Variants in BLM observed in about 807,000 individuals in gnomAD.
The protein encoded by BLM is recQ-like DNA helicase BLM.
BLM carries 95 observed loss-of-function variants against 135.3 expected under a neutral mutation model. The observed-to-expected ratio is 0.70, with a 90% CI of 0.59 to 0.83. The LOEUF (loss-of-function observed/expected upper bound fraction) is 0.83, where lower values mean the gene tolerates loss of function less well. BLM is among the 40% of genes least tolerant of loss of function. The pLI is 0.00. For missense variants in BLM, 1,518 were observed against 1,663.9 expected (o/e 0.91, Z 1.53); for synonymous variants, 520 against 589.2 (o/e 0.88, Z 1.70).
Position 90,749,812 on chromosome 15 carries a change from A to G in BLM, c.544A>G (p.Thr182Ala), listed in dbSNP as rs1060500643. The G allele has an allele frequency of 6.2e-7, 1 of 1,601,838 alleles. No individual in the cohort carries two copies. Among genetic ancestry groups the G allele is most frequent in the Admixed American group, 1.7e-5 (1 of 57,784 alleles). ...PPQSHFVRVSTAQKSKKGKRN... is the reference protein window; with the variant it reads ...PPQSHFVRVSAAQKSKKGKRN... ...CCAAAGTCACTTTGTAAGAGTAAGC[A>G]CTGCTCAGAAATCAAAAAAGGGTAA... Residue 182 changes from threonine to alanine, a missense_variant, in exon 3 of 22, where the codon ACT (threonine) becomes GCT (alanine). By Grantham distance (58) the Thr-to-Ala change is moderately conservative (BLOSUM62 0). Around this residue, in one of 5 missense-constraint regions of BLM, gnomAD observed 724 missense variants for 756.9 expected, o/e 0.96. Coordinates refer to ENST00000355112, the MANE Select transcript of BLM (RefSeq NM_000057.4).
At position 90,754,813 on chromosome 15, in the gene BLM, C is replaced by T. The variant is rs755724766; in HGVS notation, c.962C>T (p.Thr321Met). ...ASSSSSKCLSTLKDLDTSDRK... is the reference protein window; with the variant it reads ...ASSSSSKCLSMLKDLDTSDRK... ...CTTAACATTTTTTTTATTTGCAGTA[C>T]GTTAAAGGACCTTGACACCTCTGAC... The change falls in exon 5 of 22, where the codon ACG becomes ATG. Residue 321 changes from threonine (T) to methionine (M), a missense_variant and splice_region_variant. Transcript: ENST00000355112. 9 of 1,613,210 alleles carry T rather than the reference C, an allele frequency of 5.6e-6. No individual in the cohort carries two copies. In the South Asian group the frequency reaches 7.7e-5, roughly 14 times the overall value.
Position 90,717,383 on chromosome 15 carries a change from T to C in BLM, c.-62T>C, listed in dbSNP as rs1182626004. 2.6e-5 allele frequency: 4 copies of C among 152,378 alleles called. No individual in the cohort carries two copies. The highest frequency in any genetic ancestry group is 4.8e-5 in the African/African-American group (2 of 41,442). 9.4% of individuals were successfully genotyped at this position (152,378 alleles called of 1,614,324 possible). On this transcript the variant is annotated 5_prime_UTR_variant, in exon 1 of 22. Coordinates refer to ENST00000355112, the MANE Select transcript of BLM (RefSeq NM_000057.4). Reference sequence around the variant, plus strand: ...GAGCCAGGGCTTGGCGCGGCGGCCGTGGTTGCGGCGCGGGAAGTTTGGATC... The same window carrying C: ...GAGCCAGGGCTTGGCGCGGCGGCCGCGGTTGCGGCGCGGGAAGTTTGGATC...
intron 20 of BLM, among the ~76,000 whole-genome samples, chr15:90,810,706 G>T (rs1897393754): frequency 6.6e-6 from 1 of 152,188 alleles, no homozygotes; most frequent in Non-Finnish European, 1.5e-5. Flanking sequence ...TCTGTAAAGA[G>T]TAAAATAGGA....
At chr15:90,719,120 T>C (rs1466689915) in intron 1 of BLM, among the ~76,000 whole-genome samples, 3 of 151,906 alleles carry the variant, frequency 2.0e-5, no homozygotes, top group African/African-American at 4.8e-5. Flanking sequence ...GCCTCCCAAA[T>C]AGCTGGGACT....
At position 90,765,295 on chromosome 15, in the gene BLM, G is replaced by A. The variant is rs1231598990; in HGVS notation, c.2075-1G>A. ...GATATTTTTTCATTGTTCTCTTTCA[G>A]GAGGTGGTAAGAGTTTGTGTTACCA... is the stretch of plus-strand genomic sequence containing the variant. On this transcript the variant is annotated splice_acceptor_variant, in intron 8 of 21. Transcript: ENST00000355112. LOFTEE classifies it high-confidence loss of function. 1 of 1,593,894 alleles carries A rather than the reference G, an allele frequency of 6.3e-7. No individual in the cohort carries two copies. The highest frequency in any genetic ancestry group is 1.3e-5 in the African/African-American group (1 of 74,422).
At position 90,735,329 on chromosome 15, in the gene BLM, A is replaced by G. The variant is rs1458764266; in HGVS notation, c.-4-12060A>G. 2.7e-5 allele frequency among the ~76,000 whole-genome samples: 4 copies of G among 149,132 alleles called. No homozygotes were observed. In the East Asian group the frequency reaches 7.8e-4, roughly 29 times the overall value. On this transcript the variant is annotated intron_variant, in intron 1 of 21. Coordinates refer to ENST00000355112, the MANE Select transcript of BLM (RefSeq NM_000057.4). ...TAAATTTAATGCAATCTCAATATAA[A>G]TATCAACAGAGTTCTGGCACTAGAC...
chr15:90,759,870 G>T, intron 5 of BLM: 1 of 337,112 alleles, frequency 3.0e-6, no homozygotes, highest in South Asian at 2.7e-5. Flanking sequence ...GCCTCCCAAA[G>T]TGTTGGGATT....
At chr15:90,734,229 T>A (rs1399594100) in intron 1 of BLM, among the ~76,000 whole-genome samples, 1 of 152,176 alleles carries the variant, frequency 6.6e-6, no homozygotes, top group East Asian at 1.9e-4. Flanking sequence ...AAAAAGCCTT[T>A]GACAAGATTC....
At chr15:90,809,509 G>A (rs548261091) in intron 20 of BLM, among the ~76,000 whole-genome samples, 6 of 152,256 alleles carry the variant, frequency 3.9e-5, no homozygotes, top group South Asian at 2.1e-4. Context: ...GCTGGTTCCC[G>A]TAATGCAAGT....
Position 90,749,973 on chromosome 15 carries a change from G to A in BLM, c.705G>A (p.Val235=), listed in dbSNP as rs2151147996. 6.2e-7 allele frequency: 1 copy of A among 1,614,218 alleles called. No individual in the cohort carries two copies. The highest frequency in any genetic ancestry group is 8.5e-7 in the Non-Finnish European group (1 of 1,180,040). Residue 235 remains valine (V), a synonymous_variant, in exon 3 of 22, where the codon GTG becomes GTA. Transcript: ENST00000355112. ...ACTCAGAATGGTTAAGCAGCGATGT[G>A]ATTTGCATCGATGATGGCCCCATTG... is the stretch of plus-strand genomic sequence containing the variant. ...KDDSEWLSSD[V]ICIDDGPIAE... is the part of the protein sequence containing the mutation.
chr15:90,753,722 G>A (rs1339830465), intron 4 of BLM, among the ~76,000 whole-genome samples: 1 of 152,186 alleles, frequency 6.6e-6, no homozygotes, highest in Non-Finnish European at 1.5e-5. Flanking sequence ...GAAGTCAAGT[G>A]GTCAGACAGT....
At chr15:90,802,455 G>A (rs1356439707) in intron 17 of BLM, among the ~76,000 whole-genome samples, 1 of 152,184 alleles carries the variant, frequency 6.6e-6, no homozygotes, top group East Asian at 1.9e-4. Context: ...AGAGAAAGAG[G>A]GAAGTGTGTG....
At chr15:90,772,692 C>G (rs1344954308) in intron 12 of BLM, among the ~76,000 whole-genome samples, 1 of 152,178 alleles carries the variant, frequency 6.6e-6, no homozygotes, top group Non-Finnish European at 1.5e-5. Flanking sequence ...TAAATTACAG[C>G]TGCAGGAACT....
chr15:90,809,046 G>T (rs1897345314), intron 19 of BLM, 91 bp from the exon 20 acceptor site: 2 of 1,562,168 alleles, frequency 1.3e-6, no homozygotes, highest in African/African-American at 1.4e-5. Flanking sequence ...TTGGCACTTA[G>T]CAGACGTGTG....
At chr15:90,749,136 T>C (rs897126724) in intron 2 of BLM, among the ~76,000 whole-genome samples, 2 of 152,104 alleles carry the variant, frequency 1.3e-5, no homozygotes, top group African/African-American at 2.4e-5. Context: ...AGAAATAAAG[T>C]AGTGGGAATG....
Position 90,803,694 on chromosome 15 carries a change from C to G in BLM, c.3532C>G (p.Gln1178Glu). The change falls in exon 18 of 22, where the codon CAA (glutamine) becomes GAA (glutamate). Residue 1178 changes from glutamine to glutamate, a missense_variant. Gln to Glu is a conservative substitution (Grantham distance 29). Around this residue, in one of 5 missense-constraint regions of BLM, gnomAD observed 626 missense variants for 681.1 expected, o/e 0.92. Transcript: ENST00000355112. ...TTATGTGATGCTCGGAAATAAAGCCCAAACTGTACTAAATGGCAATTTAAA... is the reference window on the plus strand; with the variant it reads ...TTATGTGATGCTCGGAAATAAAGCCGAAACTGTACTAAATGGCAATTTAAA... Reference protein sequence around the residue: ...IAYVMLGNKAQTVLNGNLKVD... With the variant: ...IAYVMLGNKAETVLNGNLKVD... The G allele has an allele frequency of 1.2e-6, 2 of 1,614,076 alleles. No homozygotes were observed. The highest frequency in any genetic ancestry group is 1.7e-6 in the Non-Finnish European group (2 of 1,179,986).
At chr15:90,756,271 T>C (rs1166149684) in intron 5 of BLM, among the ~76,000 whole-genome samples, 2 of 152,156 alleles carry the variant, frequency 1.3e-5, no homozygotes, top group Non-Finnish European at 2.9e-5. Flanking sequence ...ATCTGGCTAA[T>C]TTTTTGTATT....
At chr15:90,775,624 G>A (rs559514473) in intron 12 of BLM, among the ~76,000 whole-genome samples, 9 of 151,660 alleles carry the variant, frequency 5.9e-5, no homozygotes, top group African/African-American at 1.5e-4. Context: ...TGATTCTCCC[G>A]CCTCAGCCTC....
At chr15:90,805,088 G>A (rs1202695984) in intron 19 of BLM, among the ~76,000 whole-genome samples, 2 of 151,814 alleles carry the variant, frequency 1.3e-5, no homozygotes, top group Admixed American at 1.3e-4. Context: ...CACCCACCTC[G>A]GCCTCCCAAA....
Sources: allele counts gnomAD v4.1 joint callset (sites outside exome capture counted in the v4.1 genomes callset), GRCh38; gene constraint gnomAD v4.1.1; regional missense constraint gnomAD v4.1.1; transcripts MANE v1.5; gene names NCBI Gene and HGNC (gene_info 2026-07-23, HGNC 2026-07-21).